The following DYNC2H1 variants were observed in gnomAD, a reference collection of about 807,000 sequenced individuals.
DYNC2H1 encodes dynein cytoplasmic 2 heavy chain 1.
Under a neutral mutation model 570.0 loss-of-function variants are expected in DYNC2H1, and 410 were observed. That is an observed-to-expected ratio of 0.72 (90% CI 0.66 to 0.78). DYNC2H1 has a LOEUF of 0.78. Ranked by LOEUF, DYNC2H1 falls within the 30% of genes least tolerant of loss-of-function variation. The pLI is 0.00. For synonymous variants in DYNC2H1, 1,688 were observed against 1,677.6 expected (o/e 1.01, Z -0.15); for missense variants, 4,865 against 5,046.4 (o/e 0.96, Z 1.09).
At position 103,304,650 on chromosome 11, in the gene DYNC2H1, C is replaced by G. The variant is rs760635983; in HGVS notation, c.11312C>G (p.Ala3771Gly). The change falls in exon 77 of 89, where the codon GCC (alanine) becomes GGC (glycine). Residue 3771 changes from alanine to glycine, a missense_variant. Ala to Gly is a moderately conservative substitution (Grantham distance 60). Around this residue, in one of 5 missense-constraint regions of DYNC2H1, gnomAD observed 2,401 missense variants for 2,454.6 expected, o/e 0.98. Transcript: ENST00000375735. The part of the protein sequence containing the change: ...DLAIQMLKEC[A>G]RNGDWLCLKN... ...GCAATTCAAATGCTAAAAGAATGTG[C>G]CCGCAATGGAGACTGGCTCTGTTTG... 3.1e-6 allele frequency: 5 copies of G among 1,613,256 alleles called. No homozygotes were observed.
At chr11:103,367,921 C>T (rs1238874344) in intron 83 of DYNC2H1, among the ~76,000 whole-genome samples, 1 of 152,126 alleles carries the variant, frequency 6.6e-6, no homozygotes, top group Admixed American at 6.5e-5. Flanking sequence ...CAGGTTCCTC[C>T]GTGTTGTCAC....
chr11:103,203,972 G>A lies in DYNC2H1; in HGVS notation c.8311+196G>A, dbSNP rs1862824554. On this transcript the variant is annotated intron_variant, in intron 51 of 88. Transcript: ENST00000375735. The surrounding 1 kb of genome is among the most constrained non-coding windows in gnomAD (Gnocchi z 4.7). Reference sequence around the variant, plus strand: ...TGTATTAGTCTGTTTTTCCACTACTGATAAAGACTTACCTGACACTGAGCA... The same window carrying A: ...TGTATTAGTCTGTTTTTCCACTACTAATAAAGACTTACCTGACACTGAGCA... Among the ~76,000 whole-genome samples, 2 of 152,132 alleles carry A rather than the reference G, an allele frequency of 1.3e-5. No individual in the cohort carries two copies. The highest frequency in any genetic ancestry group is 3.4e-3 in the Middle Eastern group (1 of 294).
At chr11:103,167,952 A>C (rs1861399359) in intron 31 of DYNC2H1, among the ~76,000 whole-genome samples, 1 of 152,150 alleles carries the variant, frequency 6.6e-6, no homozygotes, top group Admixed American at 6.5e-5. Flanking sequence ...AGATCTATTC[A>C]TGCACCACAC....
At chr11:103,477,803 C>A (rs1945604718) in intron 88 of DYNC2H1, among the ~76,000 whole-genome samples, 1 of 123,796 alleles carries the variant, frequency 8.1e-6, no homozygotes, top group African/African-American at 3.0e-5. Context: ...TGCACTCCAG[C>A]CGGGGCGACA....
At chr11:103,123,270 T>G (rs1477237872) in intron 11 of DYNC2H1, among the ~76,000 whole-genome samples, 2 of 152,190 alleles carry the variant, frequency 1.3e-5, no homozygotes, top group African/African-American at 2.4e-5. Flanking sequence ...GTTTTTTTAT[T>G]ATTGGTATTT....
At chr11:103,166,990 C>CTTTTTTTTTTTTTTTTTT (rs34816989) in intron 31 of DYNC2H1, among the ~76,000 whole-genome samples, 7 of 56,988 alleles carry the variant, frequency 1.2e-4, no homozygotes, top group Non-Finnish European at 1.8e-4. Context: ...GAGGCGCTGC[C>CTTTTTTTTTTTTTTTTTT]TTTTTTTTTT....
intron 1 of DYNC2H1, among the ~76,000 whole-genome samples, chr11:103,111,376 A>T (rs1382053790): frequency 6.6e-6 from 1 of 152,226 alleles, no homozygotes; most frequent in Non-Finnish European, 1.5e-5. Context: ...AGCCATAACG[A>T]CATTGTAAGA....
At chr11:103,234,588 T>C (rs1020618286) in intron 61 of DYNC2H1, among the ~76,000 whole-genome samples, 2 of 151,942 alleles carry the variant, frequency 1.3e-5, no homozygotes, top group African/African-American at 4.8e-5. Context: ...TCAGTTAAGC[T>C]TCCTTTCCTT....
In DYNC2H1 at chr11:103,363,983, A is replaced by T. The variant is rs138568988; in HGVS notation, c.12156+5624A>T. Among the ~76,000 whole-genome samples the T allele has an allele frequency of 3.8e-3, 585 of 152,298 alleles. 5 individuals are homozygous for T. The highest frequency in any genetic ancestry group is 0.013 in the African/African-American group (561 of 41,580). Reference sequence around the variant, plus strand: ...CATATGAGGACCTTGAAGCTCCATAAGGCAAGCAAGAAATGCCATTAATAA... The same window carrying T: ...CATATGAGGACCTTGAAGCTCCATATGGCAAGCAAGAAATGCCATTAATAA... On this transcript the variant is annotated intron_variant, in intron 83 of 88. Coordinates refer to ENST00000375735, the MANE Select transcript of DYNC2H1 (RefSeq NM_001377.3). The surrounding 1 kb of genome is among the most constrained non-coding windows in gnomAD (Gnocchi z 5.6).
In DYNC2H1 at chr11:103,233,222, T is replaced by C. The variant is rs1044570804; in HGVS notation, c.9441-812T>C. Among the ~76,000 whole-genome samples, 29 of 151,810 alleles carry C rather than the reference T, an allele frequency of 1.9e-4. 1 individual carries two copies. Among genetic ancestry groups the C allele is most frequent in the African/African-American group, 6.5e-4 (27 of 41,394 alleles). The stretch of plus-strand genomic sequence containing the variant: ...GAACCTGAGAAATAATTTATTTGGG[T>C]TTAAGTTTACATATGTATAGCATAA... On this transcript the variant is annotated intron_variant, in intron 60 of 88. Coordinates refer to ENST00000375735, the MANE Select transcript of DYNC2H1 (RefSeq NM_001377.3).
In DYNC2H1 at chr11:103,253,346, C is replaced by T; in HGVS notation, c.10104C>T (p.Leu3368=). 1 of 1,613,300 alleles carries T rather than the reference C, an allele frequency of 6.2e-7. No individual in the cohort carries two copies. Among genetic ancestry groups the T allele is most frequent in the South Asian group, 1.1e-5 (1 of 91,042 alleles). ...KIIDYNEEFR[L]FLSTRNPNPF... is the part of the protein sequence containing the mutation. The stretch of plus-strand genomic sequence containing the variant: ...TTGACTACAATGAAGAATTCCGCCT[C>T]TTTTTGTCAACAAGAAACCCAAATC... The change falls in exon 66 of 89, where the codon CTC becomes CTT. Residue 3368 remains leucine, a synonymous_variant. Transcript: ENST00000375735.
intron 84 of DYNC2H1, among the ~76,000 whole-genome samples, chr11:103,430,804 T>C (rs564137): frequency 0.56 from 84,346 of 151,842 alleles, 24,058 homozygotes; most frequent in East Asian, 0.72. Context: ...TCAAGCATGA[T>C]CTCCACCAGA....
Position 103,181,970 on chromosome 11 carries a change from A to C in DYNC2H1, c.6477+84A>C. 1 of 1,457,708 alleles carries C rather than the reference A, an allele frequency of 6.9e-7. No individual in the cohort carries two copies. Among genetic ancestry groups the C allele is most frequent in the East Asian group, 2.5e-5 (1 of 40,644 alleles). The allele number at this position is 1,457,708 out of a possible 1,614,324, so 90.3% of individuals were successfully genotyped here. A position where few individuals can be genotyped will look rare whatever the true frequency, so the allele number is the denominator to read the frequency against. On this transcript the variant is annotated intron_variant, in intron 40 of 88. Transcript: ENST00000375735. The surrounding 1 kb of genome is among the most constrained non-coding windows in gnomAD (Gnocchi z 5.0). ...GCTTATTTTAACTTCCTTGTGGTAG[A>C]ACTCTGCTGGAATGTGGGTGTGAGG... is the stretch of plus-strand genomic sequence containing the variant.
At chr11:103,463,941 A>T (rs1322596751) in intron 87 of DYNC2H1, among the ~76,000 whole-genome samples, 1 of 152,224 alleles carries the variant, frequency 6.6e-6, no homozygotes, top group Non-Finnish European at 1.5e-5. Context: ...CCAAACTGGC[A>T]TTATAAATAT....
rs1025268832 is a variant in DYNC2H1 at position 103,436,709 on chromosome 11, T to C, written c.12456+677T>C. On this transcript the variant is annotated intron_variant, in intron 85 of 88. Coordinates refer to ENST00000375735, the MANE Select transcript of DYNC2H1 (RefSeq NM_001377.3). ...CACATTTGTCATCACTCATCCCTGC[T>C]CCACCTTTGAACCCCTAAGCATACA... is the stretch of plus-strand genomic sequence containing the variant. 2.0e-5 allele frequency among the ~76,000 whole-genome samples: 3 copies of C among 152,126 alleles called. No individual in the cohort carries two copies. The South Asian group carries it at 6.2e-4, about 31-fold the overall frequency.
chr11:103,260,646 G>A (rs1865238961), intron 70 of DYNC2H1, among the ~76,000 whole-genome samples: 1 of 146,772 alleles, frequency 6.8e-6, no homozygotes, highest in South Asian at 2.1e-4. Context: ...TGGAGACAGA[G>A]TCTCTCTCTG....
intron 84 of DYNC2H1, chr11:103,404,190 A>G (rs1476715415): frequency 1.3e-5 from 2 of 151,970 alleles, no homozygotes; most frequent in African/African-American, 4.8e-5. Flanking sequence ...GGTTTAACCT[A>G]TAACTTAACT....
rs2135825034 is a variant in DYNC2H1, at chr11:103,461,158, C to T, written c.12648+4802C>T. ...AGGGAAGAAGTCTTTGTAAGGCTTT[C>T]ACTGTTAGCACTTGGCAAAATTAGT... On this transcript the variant is annotated intron_variant, in intron 87 of 88. Transcript: ENST00000375735. This position sits in a 1 kb window ranked among gnomAD's most constrained non-coding sequence, Gnocchi z 4.8. Among the ~76,000 whole-genome samples, 1 of 152,298 alleles carries T rather than the reference C, an allele frequency of 6.6e-6. No individual in the cohort carries two copies. The highest frequency in any genetic ancestry group is 2.1e-4 in the South Asian group (1 of 4,820).
intron 84 of DYNC2H1, among the ~76,000 whole-genome samples, chr11:103,412,973 G>T (rs1215058967): frequency 6.6e-6 from 1 of 151,980 alleles, no homozygotes; most frequent in African/African-American, 2.4e-5. Context: ...CATCACCTGA[G>T]ACCTTGGCAG....
Sources: allele counts gnomAD v4.1 joint callset (sites outside exome capture counted in the v4.1 genomes callset), GRCh38; gene constraint gnomAD v4.1.1; regional missense constraint gnomAD v4.1.1; non-coding constraint Gnocchi (gnomAD v3.1); transcripts MANE v1.5; gene names NCBI Gene and HGNC (gene_info 2026-07-23, HGNC 2026-07-21).